ACTR3C: variants seen among roughly 807,000 people sequenced by gnomAD.
ACTR3C encodes actin-related protein 3C.
ACTR3C carries 18 observed loss-of-function variants against 26.3 expected under a neutral mutation model. The ratio of observed to expected loss-of-function variants is 0.68; its 90% CI spans 0.47 to 1.01. The LOEUF (loss-of-function observed/expected upper bound fraction) is 1.01. Ranked by LOEUF, ACTR3C falls within the 50% of genes least tolerant of loss-of-function variation. The pLI, the probability that ACTR3C is intolerant of heterozygous loss-of-function variation, is 0.00. For missense variants in ACTR3C, 184 were observed against 250.7 expected (o/e 0.73, Z 1.80); for synonymous variants, 55 against 94.5 (o/e 0.58, Z 2.42).
chr7:150,237,016 G>T, the ACTR3C span, among the ~76,000 whole-genome samples: 7 of 150,894 alleles, frequency 4.6e-5, no homozygotes, highest in African/African-American at 1.5e-4. Context: ...CTGTCCTAAG[G>T]TTTCTGCACT....
chr7:150,179,915 T>A, the ACTR3C span, among the ~76,000 whole-genome samples: 1 of 151,466 alleles, frequency 6.6e-6, no homozygotes, highest in Non-Finnish European at 1.5e-5. Context: ...GTTTAGATAT[T>A]ATATTGCTGC....
chr7:150,226,438 G>GT, the ACTR3C span, among the ~76,000 whole-genome samples: 1 of 151,922 alleles, frequency 6.6e-6, no homozygotes, highest in African/African-American at 2.4e-5. Flanking sequence ...TGTTGTTGTT[G>GT]TTGTTTGTTT....
chr7:150,050,071 C>T, the ACTR3C span, among the ~76,000 whole-genome samples: 7 of 152,102 alleles, frequency 4.6e-5, no homozygotes, highest in African/African-American at 1.7e-4. Context: ...TGCTCTCAAC[C>T]CCCTCCTCTG....
the ACTR3C span, among the ~76,000 whole-genome samples, chr7:149,899,241 AGAAAAGACAAT>A: frequency 1.3e-5 from 2 of 151,660 alleles, 1 homozygote; most frequent in South Asian, 4.2e-4. Flanking sequence ...AACTGAAAAG[AGAAAAGACAAT>A]GAATAGACAA....
chr7:150,264,357 A>T (rs1391568501), intron 6 of ACTR3C, among the ~76,000 whole-genome samples: 4 of 152,216 alleles, frequency 2.6e-5, no homozygotes, highest in Non-Finnish European at 5.9e-5. Flanking sequence ...TAGGCAACAA[A>T]TAAAACCTGA....
At chr7:150,263,481 G>C (rs1301679745) in intron 6 of ACTR3C, among the ~76,000 whole-genome samples, 1 of 37,392 alleles carries the variant, frequency 2.7e-5, no homozygotes, top group Non-Finnish European at 3.9e-5. Context: ...GACAGGTAAA[G>C]AAACAGAGGA....
At chr7:150,199,734 A>AAC in the ACTR3C span, among the ~76,000 whole-genome samples, 1 of 134,800 alleles carries the variant, frequency 7.4e-6, no homozygotes, top group Admixed American at 7.1e-5. Context: ...TCAAAAAAAA[A>AAC]AAAAAAAAAA....
chr7:149,993,338 G>C, the ACTR3C span, among the ~76,000 whole-genome samples: 1 of 152,178 alleles, frequency 6.6e-6, no homozygotes, highest in Non-Finnish European at 1.5e-5. Context: ...GTGGTGCCCT[G>C]CGAGGCCAAG....
chr7:150,122,778 C>T, the ACTR3C span, among the ~76,000 whole-genome samples: 1 of 151,928 alleles, frequency 6.6e-6, no homozygotes, highest in Non-Finnish European at 1.5e-5. Context: ...ATTATAAAGA[C>T]ACATGCACAC....
the ACTR3C span, among the ~76,000 whole-genome samples, chr7:150,005,824 T>C: frequency 2.6e-5 from 4 of 152,164 alleles, no homozygotes; most frequent in African/African-American, 9.7e-5. Context: ...GCCTACAAAC[T>C]AGGGAACACA....
At chr7:150,253,687 T>G (rs1833008172) in intron 6 of ACTR3C, among the ~76,000 whole-genome samples, 1 of 151,948 alleles carries the variant, frequency 6.6e-6, no homozygotes, top group South Asian at 2.1e-4. Context: ...ATAGTACAAT[T>G]TGTACTTATA....
At chr7:150,237,692 A>G in the ACTR3C span, among the ~76,000 whole-genome samples, 4 of 152,116 alleles carry the variant, frequency 2.6e-5, no homozygotes, top group Admixed American at 1.3e-4. Flanking sequence ...TCCTACTCCT[A>G]GCCAATAACG....
chr7:150,204,542 G>C, the ACTR3C span, among the ~76,000 whole-genome samples: 100 of 152,094 alleles, frequency 6.6e-4, no homozygotes, highest in African/African-American at 2.1e-3. Flanking sequence ...ATGAGAAAAA[G>C]TGCGGCTTTG....
the ACTR3C span, among the ~76,000 whole-genome samples, chr7:150,209,792 T>G: frequency 6.6e-6 from 1 of 150,892 alleles, no homozygotes; most frequent in Non-Finnish European, 1.5e-5. Flanking sequence ...GGTGCATGCC[T>G]GTAGTCCCAG....
the ACTR3C span, among the ~76,000 whole-genome samples, chr7:150,160,822 C>T: frequency 3.3e-5 from 5 of 150,794 alleles, no homozygotes; most frequent in Admixed American, 1.3e-4. Context: ...AGATATTTGT[C>T]AAAGAAGTAA....
the ACTR3C span, among the ~76,000 whole-genome samples, chr7:150,224,391 AAC>A: frequency 2.0e-5 from 3 of 152,210 alleles, no homozygotes; most frequent in African/African-American, 7.2e-5. Context: ...TATCATCAGA[AAC>A]AGTTTCATGT....
chr7:150,026,763 AT>A, the ACTR3C span, among the ~76,000 whole-genome samples: 1 of 152,258 alleles, frequency 6.6e-6, no homozygotes, highest in South Asian at 2.1e-4. Context: ...AGGAAAAAAA[AT>A]CTTAGAGAAG....
the ACTR3C span, among the ~76,000 whole-genome samples, chr7:149,887,282 CAGA>C: frequency 2.8e-3 from 423 of 152,300 alleles, 6 homozygotes; most frequent in South Asian, 0.047. Flanking sequence ...AAAGAATTCA[CAGA>C]AGAAGACATG....
At chr7:149,924,247 C>A in the ACTR3C span, among the ~76,000 whole-genome samples, 18 of 150,546 alleles carry the variant, frequency 1.2e-4, no homozygotes, top group Non-Finnish European at 7.4e-5. Flanking sequence ...TGATGGCGGG[C>A]GCCTGTAATT....
Sources: allele counts gnomAD v4.1 joint callset (sites outside exome capture counted in the v4.1 genomes callset), GRCh38; gene constraint gnomAD v4.1.1; transcripts MANE v1.5; gene names NCBI Gene and HGNC (gene_info 2026-07-23, HGNC 2026-07-21).